TNFAIP2: variants seen among roughly 807,000 people sequenced by gnomAD.
TNFAIP2 encodes tumor necrosis factor alpha-induced protein 2.
Under a neutral mutation model 63.5 loss-of-function variants are expected in TNFAIP2, and 47 were observed. The observed-to-expected ratio is 0.74, with a 90% confidence interval of 0.59 to 0.94. TNFAIP2 has a LOEUF of 0.94. TNFAIP2 is among the 40% of genes least tolerant of loss of function. The pLI is 0.00. For missense variants in TNFAIP2, 787 were observed against 850.2 expected, an observed-to-expected ratio of 0.93 and a Z score of 0.92; for synonymous variants, 405 against 390.2, an observed-to-expected ratio of 1.04 and a Z score of -0.45.
rs1446356290 is a variant in TNFAIP2 at position 103,126,548 on chromosome 14, A to C, written c.91A>C (p.Lys31Gln). ...GGAGGAAGAGGCGGCGAAGAAGAAG[A>C]AGGAGAAGAAGAAGAAGTCCAAAGG... is the stretch of plus-strand genomic sequence containing the variant. ...REEEEAAKKK[K>Q]EKKKKSKGLA... Residue 31 changes from lysine to glutamine, a missense_variant, in exon 2 of 12, where the codon AAG (lysine) becomes CAG (glutamine). Physicochemically the swap from Lys to Gln is moderately conservative, Grantham distance 53. Around this residue, in one of 3 missense-constraint regions of TNFAIP2, gnomAD observed 258 missense variants for 228.9 expected, o/e 1.13. Coordinates refer to ENST00000560869, the MANE Select transcript of TNFAIP2 (RefSeq NM_006291.4). 6.4e-7 allele frequency: 1 copy of C among 1,564,880 alleles called. No individual in the cohort carries two copies. The highest frequency in any genetic ancestry group is 8.7e-7 in the Non-Finnish European group (1 of 1,155,014).
In TNFAIP2 at chr14:103,127,388, G is replaced by T. The variant is rs781441902; in HGVS notation, c.619G>T (p.Ala207Ser). 1.3e-6 allele frequency: 2 copies of T among 1,533,714 alleles called. No individual in the cohort carries two copies. Among genetic ancestry groups the T allele is most frequent in the South Asian group, 2.4e-5 (2 of 84,270 alleles). ...CGAGGAGCGCATGGGCCAGCGGCCG[G>T]CCGCGGGCGCCGAGGTCCCCGAGAG... The part of the protein sequence containing the change: ...AAEERMGQRP[A>S]AGAEVPESVF... The change falls in exon 3 of 12, where the codon GCC becomes TCC. Residue 207 changes from alanine (A) to serine (S), a missense_variant. Physicochemically the swap from Ala to Ser is moderately conservative, Grantham distance 99. Coordinates refer to ENST00000560869, the MANE Select transcript of TNFAIP2 (RefSeq NM_006291.4). This position sits in a 1 kb window ranked among gnomAD's most constrained non-coding sequence, Gnocchi z 5.1.
In TNFAIP2 at chr14:103,127,015, G is replaced by A; in HGVS notation, c.246G>A (p.Leu82=). The part of the protein sequence containing the change: ...LDGPPPTVEE[L]KAALERGQLE... ...GCTTTCCCGGCGCAGTGGAGGAGCT[G>A]AAGGCGGCGCTGGAGCGCGGGCAGC... The change falls in exon 3 of 12, where the codon CTG becomes CTA. Residue 82 remains leucine (L), a synonymous_variant. Coordinates refer to ENST00000560869, the MANE Select transcript of TNFAIP2 (RefSeq NM_006291.4). This position sits in a 1 kb window ranked among gnomAD's most constrained non-coding sequence, Gnocchi z 5.1. 8.4e-7 allele frequency: 1 copy of A among 1,193,912 alleles called. No individual in the cohort carries two copies. Among genetic ancestry groups the A allele is most frequent in the South Asian group, 2.6e-5 (1 of 38,012 alleles). The allele number at this position is 1,193,912 out of a possible 1,614,324, so 74.0% of individuals were successfully genotyped here. A position where few individuals can be genotyped will look rare whatever the true frequency, so the allele number is the denominator to read the frequency against.
At position 103,135,290 on chromosome 14, in the gene TNFAIP2, G is replaced by A. The variant is rs2088071270; in HGVS notation, c.1895G>A (p.Ser632Asn). Residue 632 changes from serine (S) to asparagine (N), a missense_variant, in exon 12 of 12, where the codon AGC (serine) becomes AAC (asparagine). Ser to Asn is a conservative substitution (Grantham distance 46, BLOSUM62 1). Transcript: ENST00000560869. The surrounding 1 kb of genome is among the most constrained non-coding windows in gnomAD (Gnocchi z 7.6). ...LSNSEVKRIRSILDVSMGAQE... is the reference protein window; with the variant it reads ...LSNSEVKRIRNILDVSMGAQE... Reference sequence around the variant, plus strand: ...AACAGTGAGGTCAAGCGCATCCGGAGCATCTTGGACGTCAGCATGGGGGCG... The same window carrying A: ...AACAGTGAGGTCAAGCGCATCCGGAACATCTTGGACGTCAGCATGGGGGCG... 1 of 1,613,978 alleles carries A rather than the reference G, an allele frequency of 6.2e-7. No individual in the cohort carries two copies. The highest frequency in any genetic ancestry group is 2.2e-5 in the East Asian group (1 of 44,892).
rs1434371262 is a variant in TNFAIP2, at chr14:103,126,689, A to G, written c.232A>G (p.Thr78Ala). 1 of 1,558,472 alleles carries G rather than the reference A, an allele frequency of 6.4e-7. No homozygotes were observed. Among genetic ancestry groups the G allele is most frequent in the Admixed American group, 1.9e-5 (1 of 51,384 alleles). Residue 78 changes from threonine to alanine, a missense_variant, in exon 2 of 12, where the codon ACA becomes GCA. Thr to Ala is a moderately conservative substitution (Grantham distance 58). Coordinates refer to ENST00000560869, the MANE Select transcript of TNFAIP2 (RefSeq NM_006291.4). ...GCAGGGGCTGGATGGCCCGCCCCCC[A>G]CAGGTGCTCTAGGACCCTGGGTTAG... The part of the protein sequence containing the change: ...SRQGLDGPPP[T>A]VEELKAALER...
intron 1 of TNFAIP2, 77 bp downstream of exon 1, chr14:103,124,028 G>C (rs377682752): frequency 6.6e-6 from 1 of 152,358 alleles, no homozygotes; most frequent in South Asian, 2.1e-4. Flanking sequence ...ACCCCTCTAC[G>C]AGCCTCCCAG....
At position 103,133,720 on chromosome 14, in the gene TNFAIP2, G is replaced by A. The variant is rs565167370; in HGVS notation, c.1740G>A (p.Thr580=). The A allele has an allele frequency of 8.8e-6, 14 of 1,595,698 alleles. No individual in the cohort carries two copies. In the Admixed American group the frequency reaches 1.2e-4, roughly 14 times the overall value. The change falls in exon 11 of 12, where the codon ACG becomes ACA. Residue 580 remains threonine, a synonymous_variant. Transcript: ENST00000560869. ...PATWLQPALP[T]LAEIIRLQDP... Reference sequence around the variant, plus strand: ...CCTGGCTGCAGCCTGCTCTCCCTACGCTGGCCGAGATCATTCGCCTGCAGG... The same window carrying A: ...CCTGGCTGCAGCCTGCTCTCCCTACACTGGCCGAGATCATTCGCCTGCAGG...
rs756089901 is a variant in TNFAIP2 at position 103,132,655 on chromosome 14, G to A, written c.1423-95G>A. Reference sequence around the variant, plus strand: ...CCCCGCCCCTCCACCAGGCACATGTGTCGGTGTGTGTCTGTGTCTGCGTGT... The same window carrying A: ...CCCCGCCCCTCCACCAGGCACATGTATCGGTGTGTGTCTGTGTCTGCGTGT... On this transcript the variant is annotated intron_variant, in intron 8 of 11. Coordinates refer to ENST00000560869, the MANE Select transcript of TNFAIP2 (RefSeq NM_006291.4). The A allele has an allele frequency of 8.6e-6, 13 of 1,516,768 alleles. No homozygotes were observed. The South Asian group carries it at 1.3e-4, about 15-fold the overall frequency. 94.0% of individuals were successfully genotyped at this position (1,516,768 alleles called of 1,614,324 possible).
At chr14:103,133,111 CAT>C (rs754273072) in intron 9 of TNFAIP2, among the ~76,000 whole-genome samples, 64 of 152,194 alleles carry the variant, frequency 4.2e-4, no homozygotes, top group Admixed American at 2.0e-3. Flanking sequence ...CACATGCACA[CAT>C]ATGAACACAC....
Position 103,133,536 on chromosome 14 carries a change from CT to C in TNFAIP2, c.1701+20del, listed in dbSNP as rs2088034026. ...CCAGCACGTAAGCCGCTGCCCACCT[CT>C]CCCAAGCCCCTCTGAAATGGCTGCC... is the stretch of plus-strand genomic sequence containing the variant. On this transcript the variant is annotated intron_variant, in intron 10 of 11. Coordinates refer to ENST00000560869, the MANE Select transcript of TNFAIP2 (RefSeq NM_006291.4). 6.2e-7 allele frequency: 1 copy of C among 1,610,152 alleles called. No homozygotes were observed. The highest frequency in any genetic ancestry group is 1.1e-5 in the South Asian group (1 of 90,822).
chr14:103,134,520 C>A (rs1440107703), intron 11 of TNFAIP2, among the ~76,000 whole-genome samples: 1 of 140,960 alleles, frequency 7.1e-6, no homozygotes, highest in Non-Finnish European at 1.5e-5. Context: ...ATGTAAGCAC[C>A]CATCCACCCA....
At chr14:103,126,010 G>A (rs1009859283) in intron 1 of TNFAIP2, among the ~76,000 whole-genome samples, 1 of 152,220 alleles carries the variant, frequency 6.6e-6, no homozygotes, top group Non-Finnish European at 1.5e-5. Context: ...TGGCAGGGAA[G>A]GATTTGCCCA....
chr14:103,124,211 C>T (rs955720946), intron 1 of TNFAIP2, among the ~76,000 whole-genome samples: 1 of 152,214 alleles, frequency 6.6e-6, no homozygotes, highest in Non-Finnish European at 1.5e-5. Flanking sequence ...CTTGGCTGTG[C>T]GGTTTGGCCA....
Position 103,135,280 on chromosome 14 carries a change from C to A in TNFAIP2, c.1885C>A (p.Arg629Ser). 1 of 1,614,014 alleles carries A rather than the reference C, an allele frequency of 6.2e-7. No individual in the cohort carries two copies. The highest frequency in any genetic ancestry group is 8.5e-7 in the Non-Finnish European group (1 of 1,180,000). ...KGNLSNSEVK[R>S]IRSILDVSMG... ...GAACCTATCCAACAGTGAGGTCAAG[C>A]GCATCCGGAGCATCTTGGACGTCAG... The change falls in exon 12 of 12, where the codon CGC becomes AGC. Residue 629 changes from arginine (R) to serine (S), a missense_variant. Arg to Ser is a moderately radical substitution (Grantham distance 110). Coordinates refer to ENST00000560869, the MANE Select transcript of TNFAIP2 (RefSeq NM_006291.4). The surrounding 1 kb of genome is among the most constrained non-coding windows in gnomAD (Gnocchi z 7.6).
At chr14:103,122,875 C>T (rs143197203), upstream of TNFAIP2, 312 of 454,718 alleles carry the variant, frequency 6.9e-4, 1 homozygote, top group African/African-American at 5.4e-3. Context: ...CGCATTTACG[C>T]ATTTCAAGCA....
intron 9 of TNFAIP2, 145 bp from the exon 10 acceptor site, chr14:103,133,217 C>T (rs1219800979): frequency 9.6e-7 from 1 of 1,041,408 alleles, no homozygotes; most frequent in East Asian, 2.6e-5. Context: ...CATGTGAACG[C>T]ACACATGTGG....
intron 11 of TNFAIP2, among the ~76,000 whole-genome samples, 190 bp downstream of exon 11, chr14:103,133,993 A>G (rs2088044994): frequency 6.6e-6 from 1 of 152,228 alleles, no homozygotes; most frequent in Non-Finnish European, 1.5e-5. Context: ...CGTTTCACAG[A>G]GGAGGCCTGG....
chr14:103,133,588 C>T (rs568757173), intron 10 of TNFAIP2, 71 bp downstream of exon 10: 10 of 1,580,926 alleles, frequency 6.3e-6, no homozygotes, highest in Non-Finnish European at 8.6e-6. Context: ...CTTTCAGGGT[C>T]GGAGATAGGC....
Position 103,133,529 on chromosome 14 carries a change from C to T in TNFAIP2, c.1701+12C>T. 3 of 1,612,022 alleles carry T rather than the reference C, an allele frequency of 1.9e-6. 1 individual carries two copies. The highest frequency in any genetic ancestry group is 2.2e-5 in the South Asian group (2 of 90,880). Reference sequence around the variant, plus strand: ...TCTGCACCCAGCACGTAAGCCGCTGCCCACCTCTCCCAAGCCCCTCTGAAA... The same window carrying T: ...TCTGCACCCAGCACGTAAGCCGCTGTCCACCTCTCCCAAGCCCCTCTGAAA... On this transcript the variant is annotated intron_variant, in intron 10 of 11. Transcript: ENST00000560869.
At position 103,126,586 on chromosome 14, in the gene TNFAIP2, G is replaced by C. The variant is rs2087857394; in HGVS notation, c.129G>C (p.Val43=). The C allele has an allele frequency of 6.4e-7, 1 of 1,554,750 alleles. No homozygotes were observed. The highest frequency in any genetic ancestry group is 8.7e-7 in the Non-Finnish European group (1 of 1,149,012). The change falls in exon 2 of 12, where the codon GTG becomes GTC. Residue 43 remains valine, a synonymous_variant. Transcript: ENST00000560869. ...KKKKSKGLAN[V]FCVFTKGKKK... ...AGAAGTCCAAAGGCCTGGCCAATGT[G>C]TTCTGCGTCTTCACCAAAGGGAAGA...
Sources: allele counts gnomAD v4.1 joint callset (sites outside exome capture counted in the v4.1 genomes callset), GRCh38; gene constraint gnomAD v4.1.1; regional missense constraint gnomAD v4.1.1; non-coding constraint Gnocchi (gnomAD v3.1); transcripts MANE v1.5; gene names NCBI Gene and HGNC (gene_info 2026-07-23, HGNC 2026-07-21).